DENND11: variants seen among roughly 807,000 people sequenced by gnomAD.
DENND11 encodes DENN domain-containing protein 11.
In DENND11, 34 loss-of-function variants were observed where a neutral mutation model predicts 49.2. That is an observed-to-expected ratio of 0.69 (90% CI 0.53 to 0.92). The LOEUF (loss-of-function observed/expected upper bound fraction) is 0.92, where lower values mean the gene tolerates loss of function less well. DENND11 is among the 40% of genes least tolerant of loss of function. DENND11 has a pLI of 0.00. For missense variants in DENND11, 475 were observed against 581.6 expected (o/e 0.82, Z 1.88); for synonymous variants, 238 against 230.3 (o/e 1.03, Z -0.30).
chr7:141,692,973 T>C (rs1218296745), intron 1 of DENND11, among the ~76,000 whole-genome samples: 1 of 152,218 alleles, frequency 6.6e-6, no homozygotes, highest in Non-Finnish European at 1.5e-5. Flanking sequence ...CTAGATATAA[T>C]ACTAACAGCA....
Position 141,686,582 on chromosome 7 carries a change from G to T in DENND11, c.345C>A (p.Ser115=), listed in dbSNP as rs1798246207. 1.2e-6 allele frequency: 2 copies of T among 1,611,316 alleles called. No homozygotes were observed. The highest frequency in any genetic ancestry group is 2.7e-5 in the African/African-American group (2 of 74,860). Reference sequence around the variant, plus strand: ...ACATGAAATCAGATTGGATTTTATGGGACCCACTGGCCATAGACTTGAACT... The same window carrying T: ...ACATGAAATCAGATTGGATTTTATGTGACCCACTGGCCATAGACTTGAACT... ...GVEFKSMASG[S]HKIQSDFIYF... is the part of the protein sequence containing the mutation. Residue 115 remains serine (S), a synonymous_variant, in exon 2 of 9, where the codon TCC becomes TCA. Transcript: ENST00000536163.
At chr7:141,671,017 G>C (rs1797972326) in intron 4 of DENND11, among the ~76,000 whole-genome samples, 1 of 152,144 alleles carries the variant, frequency 6.6e-6, no homozygotes, top group African/African-American at 2.4e-5. Context: ...ATGAGATCTG[G>C]TGATCCTTCC....
At position 141,674,317 on chromosome 7, in the gene DENND11, G is replaced by C. The variant is rs1266869454; in HGVS notation, c.528-97C>G. ...ACTCCTACCCTCCGCCCACCTCAAG[G>C]GGCTGTAACACTCAGGGGCAAAGGC... On this transcript the variant is annotated intron_variant, in intron 3 of 8. Coordinates refer to ENST00000536163, the MANE Select transcript of DENND11 (RefSeq NM_001080392.2). 4 of 1,314,610 alleles carry C rather than the reference G, an allele frequency of 3.0e-6. No homozygotes were observed. In the Admixed American group the frequency reaches 1.4e-4, roughly 45 times the overall value. 81.4% of individuals were successfully genotyped at this position (1,314,610 alleles called of 1,614,324 possible). A position where few individuals can be genotyped will look rare whatever the true frequency, so the allele number is the denominator to read the frequency against.
In DENND11 at chr7:141,665,173, G is replaced by T. The variant is rs1470739053; in HGVS notation, c.952+14C>A. On this transcript the variant is annotated intron_variant, in intron 6 of 8. Transcript: ENST00000536163. ...GGACCTGAGGGCAAGATGAGGGGAG[G>T]GCCCCGTACTCACAGGCCACATAGG... is the stretch of plus-strand genomic sequence containing the variant. 1 of 1,612,698 alleles carries T rather than the reference G, an allele frequency of 6.2e-7. No individual in the cohort carries two copies. The highest frequency in any genetic ancestry group is 1.1e-5 in the South Asian group (1 of 90,768).
chr7:141,680,343 A>T (rs1374558718), intron 3 of DENND11, among the ~76,000 whole-genome samples: 1 of 152,116 alleles, frequency 6.6e-6, no homozygotes, highest in Non-Finnish European at 1.5e-5. Flanking sequence ...GTAAGAATAT[A>T]CATTTGTATT....
At chr7:141,691,509 C>G (rs1298192470) in intron 1 of DENND11, among the ~76,000 whole-genome samples, 1 of 152,200 alleles carries the variant, frequency 6.6e-6, no homozygotes, top group Non-Finnish European at 1.5e-5. Context: ...CTTCCTTGCT[C>G]CTCTGTGCCT....
intron 3 of DENND11, among the ~76,000 whole-genome samples, chr7:141,677,958 A>G (rs1424916141): frequency 1.3e-5 from 2 of 152,032 alleles, no homozygotes; most frequent in African/African-American, 4.8e-5. Flanking sequence ...TGACCTCAAT[A>G]ATCTTTTTTT....
At chr7:141,700,759 T>C (rs1465582051) in intron 1 of DENND11, among the ~76,000 whole-genome samples, 2 of 152,096 alleles carry the variant, frequency 1.3e-5, no homozygotes, top group African/African-American at 2.4e-5. Flanking sequence ...TCCTGTGTCC[T>C]ACAGCTGAGA....
chr7:141,677,402 AATATAT>A (rs1212482936), intron 3 of DENND11, among the ~76,000 whole-genome samples: 2 of 75,882 alleles, frequency 2.6e-5, no homozygotes, highest in African/African-American at 7.9e-5. Flanking sequence ...AAAAAAAAAA[AATATAT>A]ATATATATAT....
intron 3 of DENND11, among the ~76,000 whole-genome samples, chr7:141,683,939 TA>T (rs1340583111): frequency 6.6e-6 from 1 of 152,208 alleles, no homozygotes; most frequent in African/African-American, 2.4e-5. Flanking sequence ...TTTATTTTTT[TA>T]TTTTTTAAAC....
chr7:141,684,882 T>C (rs1798208141), intron 3 of DENND11, among the ~76,000 whole-genome samples: 1 of 151,356 alleles, frequency 6.6e-6, no homozygotes, highest in African/African-American at 2.4e-5. Flanking sequence ...CTGTTAAAAA[T>C]TCTCTTCCTA....
intron 1 of DENND11, among the ~76,000 whole-genome samples, chr7:141,700,194 C>G (rs747619562): frequency 6.6e-6 from 1 of 152,218 alleles, no homozygotes; most frequent in Non-Finnish European, 1.5e-5. Context: ...TGTGCCCTTT[C>G]TATTCCTTCT....
In DENND11 at chr7:141,674,234, C is replaced by CACA; in HGVS notation, c.528-17_528-15dup. 1.2e-6 allele frequency: 1 copy of CACA among 838,516 alleles called. No homozygotes were observed. The highest frequency in any genetic ancestry group is 1.8e-6 in the Non-Finnish European group (1 of 571,072). 51.9% of individuals were successfully genotyped at this position (838,516 alleles called of 1,614,324 possible). On this transcript the variant is annotated splice_polypyrimidine_tract_variant and intron_variant, in intron 3 of 8. Coordinates refer to ENST00000536163, the MANE Select transcript of DENND11 (RefSeq NM_001080392.2). ...TCCAACTGGTGCCTGCAGAAAAACACACACACACACACACACACACACACA... is the reference window on the plus strand; with the variant it reads ...TCCAACTGGTGCCTGCAGAAAAACACACAACACACACACACACACACACACACA...
Position 141,674,125 on chromosome 7 carries a change from C to A in DENND11, c.623G>T (p.Ser208Ile), listed in dbSNP as rs1271953656. The A allele has an allele frequency of 6.3e-7, 1 of 1,596,214 alleles. No individual in the cohort carries two copies. ...AGGCAGCCAGTAGACAGGGGGCAGGCTGCTGCCTCTGCCGGGACCAGCATG... is the reference window on the plus strand; with the variant it reads ...AGGCAGCCAGTAGACAGGGGGCAGGATGCTGCCTCTGCCGGGACCAGCATG... ...VLHAGPGRGS[S>I]LPPVYWLPSI... The change falls in exon 4 of 9, where the codon AGC (serine) becomes ATC (isoleucine). Residue 208 changes from serine (S) to isoleucine (I), a missense_variant. Transcript: ENST00000536163.
intron 3 of DENND11, among the ~76,000 whole-genome samples, chr7:141,678,489 T>A (rs1167491637): frequency 3.3e-5 from 5 of 152,180 alleles, no homozygotes; most frequent in African/African-American, 1.2e-4. Context: ...TATGAACATT[T>A]TCAAACATAT....
chr7:141,682,009 C>G (rs772264062), intron 3 of DENND11, among the ~76,000 whole-genome samples: 3 of 152,302 alleles, frequency 2.0e-5, no homozygotes, highest in South Asian at 2.1e-4. Context: ...AACTAGTGAC[C>G]ATCCGTATTT....
At chr7:141,669,647 AAGCTT>A (rs1472083115) in intron 4 of DENND11, among the ~76,000 whole-genome samples, 1 of 151,974 alleles carries the variant, frequency 6.6e-6, no homozygotes, top group African/African-American at 2.4e-5. Context: ...TTTCAATAAA[AAGCTT>A]AAAGATATAT....
intron 1 of DENND11, among the ~76,000 whole-genome samples, chr7:141,699,856 A>G (rs554334474): frequency 6.2e-4 from 94 of 152,256 alleles, no homozygotes; most frequent in African/African-American, 2.2e-3. Context: ...GCCTGCACAA[A>G]ATGTCTAAAT....
rs535450188 is a variant in DENND11 at position 141,700,325 on chromosome 7, G to A, written c.268+1561C>T. ...AGTATTGGTTTTTGTCTAGCATTAC[G>A]GGTAACTTTGGTCAAAAAAGACCAA... On this transcript the variant is annotated intron_variant, in intron 1 of 8. Coordinates refer to ENST00000536163, the MANE Select transcript of DENND11 (RefSeq NM_001080392.2). Among the ~76,000 whole-genome samples the A allele has an allele frequency of 1.0e-3, 159 of 151,972 alleles. 1 individual carries two copies. Among genetic ancestry groups the A allele is most frequent in the Non-Finnish European group, 2.1e-3 (142 of 67,956 alleles).
Sources: gnomAD v4.1 joint callset for allele counts (sites outside exome capture counted in the v4.1 genomes callset) on GRCh38, gnomAD v4.1.1 for gene constraint, MANE v1.5 for transcripts, NCBI Gene and HGNC (gene_info 2026-07-23, HGNC 2026-07-21) for gene names.